The following ATF2 variants were observed in gnomAD, a reference collection of about 807,000 sequenced individuals.
ATF2 encodes the protein activating transcription factor 2.
In ATF2, 24 loss-of-function variants were observed where a neutral mutation model predicts 60.6. That is an observed-to-expected ratio of 0.40 (90% CI 0.29 to 0.56). ATF2 has a LOEUF of 0.56. Among genes scored for constraint, ATF2 ranks in the 20% least tolerant of loss-of-function variants. The probability of loss-of-function intolerance (pLI) is 0.54; values close to 1 mark genes in which losing one functional copy is unlikely to be tolerated. For synonymous variants in ATF2, 206 were observed against 215.4 expected (o/e 0.96, Z 0.38); for missense variants, 433 against 607.7 (o/e 0.71, Z 3.02).
In ATF2 at chr2:175,161,361, A is replaced by G. The variant is rs576212399; in HGVS notation, c.-143+6689T>C. Reference sequence around the variant, plus strand: ...GATTATTTCTGAATGAACTTCAATAATAATTCCCACAACACAAACTGAGTA... The same window carrying G: ...GATTATTTCTGAATGAACTTCAATAGTAATTCCCACAACACAAACTGAGTA... On this transcript the variant is annotated intron_variant, in intron 1 of 13. Transcript: ENST00000264110. Among the ~76,000 whole-genome samples, 12 of 152,376 alleles carry G rather than the reference A, an allele frequency of 7.9e-5. No individual in the cohort carries two copies. The South Asian group carries it at 2.5e-3, about 32-fold the overall frequency.
Position 175,150,627 on chromosome 2 carries a change from A to T in ATF2, c.-44+433T>A, listed in dbSNP as rs13427271. Among the ~76,000 whole-genome samples the T allele has an allele frequency of 1.8e-3, 269 of 151,376 alleles. 2 individuals are homozygous for T. The highest frequency in any genetic ancestry group is 5.8e-3 in the African/African-American group (240 of 41,100). On this transcript the variant is annotated intron_variant, in intron 2 of 13. Transcript: ENST00000264110. ...TATCATTCAATTAGAAAGCAAATAAATTTGACATTTTCATTAGCTTGTACG... is the reference window on the plus strand; with the variant it reads ...TATCATTCAATTAGAAAGCAAATAATTTTGACATTTTCATTAGCTTGTACG...
At chr2:175,147,778 T>G (rs1289323096) in intron 2 of ATF2, among the ~76,000 whole-genome samples, 1 of 152,136 alleles carries the variant, frequency 6.6e-6, no homozygotes, top group Non-Finnish European at 1.5e-5. Context: ...GTGAAAATAG[T>G]AATTCAGTGA....
At chr2:175,117,798 T>C (rs1236538353) in intron 7 of ATF2, among the ~76,000 whole-genome samples, 192 bp downstream of exon 7, 10 of 151,982 alleles carry the variant, frequency 6.6e-5, no homozygotes, top group Admixed American at 5.9e-4. Flanking sequence ...TTCTCCCCTA[T>C]AATTTTTCTA....
At chr2:175,156,895 T>TA (rs1699724694) in intron 1 of ATF2, among the ~76,000 whole-genome samples, 1 of 152,198 alleles carries the variant, frequency 6.6e-6, no homozygotes, top group South Asian at 2.1e-4. Context: ...AGAAAATTAA[T>TA]ACGGTAAGAA....
intron 5 of ATF2, among the ~76,000 whole-genome samples, chr2:175,120,531 C>T (rs985972411): frequency 6.6e-6 from 1 of 151,536 alleles, no homozygotes; most frequent in Non-Finnish European, 1.5e-5. Flanking sequence ...CTGCATAGAA[C>T]AATTTGGTCT....
intron 12 of ATF2, among the ~76,000 whole-genome samples, chr2:175,081,076 T>C (rs993195564): frequency 3.5e-4 from 53 of 152,296 alleles, no homozygotes; most frequent in African/African-American, 1.2e-3. Flanking sequence ...ATTTTATATA[T>C]GTTGCATGCT....
chr2:175,075,030 G>T (rs1559040774), intron 13 of ATF2, 195 bp from the exon 14 acceptor site: 1 of 1,451,858 alleles, frequency 6.9e-7, no homozygotes, highest in East Asian at 2.6e-5. Flanking sequence ...GCACAACCAT[G>T]CATATGGAAA....
At chr2:175,131,833 T>C (rs1697750640) in intron 3 of ATF2, among the ~76,000 whole-genome samples, 1 of 152,216 alleles carries the variant, frequency 6.6e-6, no homozygotes, top group Non-Finnish European at 1.5e-5. Flanking sequence ...TTTTTGTTTA[T>C]GTACTATCAA....
chr2:175,160,738 A>G (rs1450331811), intron 1 of ATF2, among the ~76,000 whole-genome samples: 2 of 151,978 alleles, frequency 1.3e-5, no homozygotes, highest in Non-Finnish European at 2.9e-5. Flanking sequence ...TTATAATAGG[A>G]TTGGTGGAGT....
chr2:175,148,833 C>T (rs747896570), intron 2 of ATF2, among the ~76,000 whole-genome samples: 2 of 152,118 alleles, frequency 1.3e-5, no homozygotes, highest in South Asian at 4.1e-4. Context: ...ATCCTATGAA[C>T]TGGAACACAG....
intron 10 of ATF2, among the ~76,000 whole-genome samples, 175 bp downstream of exon 10, chr2:175,111,393 T>C (rs546303166): frequency 2.6e-5 from 4 of 152,236 alleles, no homozygotes; most frequent in African/African-American, 7.2e-5. Flanking sequence ...CACTAACTAC[T>C]CACTATGCTA....
At chr2:175,079,985 G>A (rs1169315794) in intron 13 of ATF2, among the ~76,000 whole-genome samples, 1 of 152,046 alleles carries the variant, frequency 6.6e-6, no homozygotes, top group Non-Finnish European at 1.5e-5. Context: ...TTCCAACACT[G>A]TGCATCTTAT....
rs144173831 is a variant in ATF2, at chr2:175,090,547, A to G, written c.1185+2514T>C. ...TATTGTAAGTAAAATCCTTGATAAT[A>G]TATCATTTTGGATCCTATTTTAAAA... On this transcript the variant is annotated intron_variant, in intron 12 of 13. Coordinates refer to ENST00000264110, the MANE Select transcript of ATF2 (RefSeq NM_001880.4). Among the ~76,000 whole-genome samples the G allele has an allele frequency of 6.0e-3, 909 of 152,194 alleles. 3 individuals are homozygous for G. Among genetic ancestry groups the G allele is most frequent in the African/African-American group, 0.02 (836 of 41,552 alleles).
chr2:175,096,099 CTTAT>C (rs1264220204), intron 11 of ATF2, among the ~76,000 whole-genome samples: 1 of 152,156 alleles, frequency 6.6e-6, no homozygotes, highest in Non-Finnish European at 1.5e-5. Flanking sequence ...CAATCTAAAA[CTTAT>C]TTATATGTGT....
chr2:175,105,937 T>C (rs1043155740), intron 10 of ATF2, among the ~76,000 whole-genome samples: 7 of 152,216 alleles, frequency 4.6e-5, no homozygotes, highest in African/African-American at 1.7e-4. Flanking sequence ...AAAAAAGTAA[T>C]GACAATAAAA....
At chr2:175,164,697 T>C (rs756008793) in intron 1 of ATF2, among the ~76,000 whole-genome samples, 2 of 151,712 alleles carry the variant, frequency 1.3e-5, no homozygotes, top group African/African-American at 2.4e-5. Context: ...CAAATAGAAA[T>C]AGGTGAATAC....
At chr2:175,088,442 A>T (rs1172050033) in intron 12 of ATF2, among the ~76,000 whole-genome samples, 1 of 152,158 alleles carries the variant, frequency 6.6e-6, no homozygotes, top group Non-Finnish European at 1.5e-5. Context: ...GGACCAATAA[A>T]ACCTTTTCCA....
intron 2 of ATF2, among the ~76,000 whole-genome samples, chr2:175,139,090 C>T (rs1698325952): frequency 6.6e-6 from 1 of 152,170 alleles, no homozygotes; most frequent in Non-Finnish European, 1.5e-5. Flanking sequence ...TAGCACAATG[C>T]TCGGCACATG....
chr2:175,116,084 T>C (rs893484981), intron 7 of ATF2, among the ~76,000 whole-genome samples: 2 of 152,108 alleles, frequency 1.3e-5, no homozygotes, highest in Non-Finnish European at 2.9e-5. Flanking sequence ...AAAGAGGGCT[T>C]ATGCCAAGGA....
Sources: allele counts gnomAD v4.1 joint callset (sites outside exome capture counted in the v4.1 genomes callset), GRCh38; gene constraint gnomAD v4.1.1; transcripts MANE v1.5; gene names NCBI Gene and HGNC (gene_info 2026-07-23, HGNC 2026-07-21).